Variants in P4HA1 observed in about 807,000 individuals in gnomAD.
The protein encoded by P4HA1 is prolyl 4-hydroxylase subunit alpha-1.
P4HA1 carries 24 observed loss-of-function variants against 72.8 expected under a neutral mutation model. The observed-to-expected ratio is 0.33, with a 90% confidence interval of 0.24 to 0.46. The LOEUF (loss-of-function observed/expected upper bound fraction) is 0.46, where lower values mean the gene tolerates loss of function less well. P4HA1 is among the 20% of genes least tolerant of loss of function. The pLI is 1.00. For missense variants in P4HA1, 446 were observed against 640.6 expected, an observed-to-expected ratio of 0.70 and a Z score of 3.28; for synonymous variants, 201 against 218.8, an observed-to-expected ratio of 0.92 and a Z score of 0.72.
chr10:73,044,006 T>G, intron 9 of P4HA1: 4 of 1,439,050 alleles, frequency 2.8e-6, no homozygotes, highest in Non-Finnish European at 3.9e-6. Flanking sequence ...GCAGGCAATT[T>G]TGGGCTTTTT....
intron 1 of P4HA1, among the ~76,000 whole-genome samples, chr10:73,077,286 C>T (rs1354154247): frequency 6.6e-6 from 1 of 152,230 alleles, no homozygotes; most frequent in Non-Finnish European, 1.5e-5. Flanking sequence ...AGGCTAATCA[C>T]AAATGTTGTC....
chr10:73,053,892 G>A (rs1841075037), intron 5 of P4HA1, among the ~76,000 whole-genome samples: 1 of 151,850 alleles, frequency 6.6e-6, no homozygotes. Context: ...CCTAACAGTA[G>A]GAATTACCAT....
chr10:73,072,426 T>C (rs2133132791), intron 3 of P4HA1, among the ~76,000 whole-genome samples: 1 of 152,316 alleles, frequency 6.6e-6, no homozygotes, highest in Admixed American at 6.5e-5. Context: ...AAATGGAACC[T>C]CCCTGTCTTA....
intron 9 of P4HA1, among the ~76,000 whole-genome samples, chr10:73,041,542 C>A (rs368093925): frequency 2.0e-5 from 3 of 146,554 alleles, no homozygotes; most frequent in Non-Finnish European, 4.5e-5. Context: ...GACTCCATCC[C>A]CCCCCCAAAA....
chr10:73,074,793 A>T lies in P4HA1; in HGVS notation c.76+15T>A. ...AATGCAAAACCAACAAAAAACAACA[A>T]GTAGTAAGACTTACCAATTGAAGTA... On this transcript the variant is annotated intron_variant, in intron 2 of 14. Coordinates refer to ENST00000394890, the MANE Select transcript of P4HA1 (RefSeq NM_001017962.3). 7.2e-7 allele frequency: 1 copy of T among 1,382,166 alleles called. No homozygotes were observed. The highest frequency in any genetic ancestry group is 1.0e-6 in the Non-Finnish European group (1 of 981,914). The allele number at this position is 1,382,166 out of a possible 1,614,324, so 85.6% of individuals were successfully genotyped here. A position where few individuals can be genotyped will look rare whatever the true frequency, so the allele number is the denominator to read the frequency against.
intron 1 of P4HA1, among the ~76,000 whole-genome samples, chr10:73,093,961 C>T (rs1379957848): frequency 8.5e-6 from 1 of 117,518 alleles, no homozygotes; most frequent in East Asian, 2.7e-4. Context: ...TATATATATT[C>T]ATATATTTAT....
At chr10:73,043,318 A>T (rs1298463486) in intron 9 of P4HA1, among the ~76,000 whole-genome samples, 2 of 152,208 alleles carry the variant, frequency 1.3e-5, no homozygotes, top group African/African-American at 2.4e-5. Flanking sequence ...ATGAGAGCCG[A>T]GAAACCTTCA....
chr10:73,019,025 A>AT (rs1840073567), intron 10 of P4HA1, among the ~76,000 whole-genome samples: 1 of 151,580 alleles, frequency 6.6e-6, no homozygotes, highest in Admixed American at 6.6e-5. Flanking sequence ...TGCTTGTAGG[A>AT]TATGTAAGAC....
chr10:73,045,200 G>T, intron 8 of P4HA1, 149 bp from the exon 9 acceptor site: 1 of 564,490 alleles, frequency 1.8e-6, no homozygotes, highest in South Asian at 2.9e-5. Context: ...GCTGAGCCTT[G>T]AAAGCCAGTT....
chr10:73,023,501 A>G (rs1219985175), intron 10 of P4HA1, among the ~76,000 whole-genome samples: 1 of 152,220 alleles, frequency 6.6e-6, no homozygotes, highest in Non-Finnish European at 1.5e-5. Context: ...AGGAAGCACT[A>G]AACATGGAAA....
intron 9 of P4HA1, among the ~76,000 whole-genome samples, chr10:73,040,677 T>C (rs976892157): frequency 6.6e-6 from 1 of 151,752 alleles, no homozygotes; most frequent in Non-Finnish European, 1.5e-5. Context: ...TTTTACCATG[T>C]TTGTGAGGAT....
intron 1 of P4HA1, among the ~76,000 whole-genome samples, chr10:73,078,614 T>TTTTC (rs1841755537): frequency 7.1e-6 from 1 of 140,406 alleles, no homozygotes; most frequent in African/African-American, 2.7e-5. Context: ...TTTTTTTTTT[T>TTTTC]TTTTTTTTTT....
intron 1 of P4HA1, among the ~76,000 whole-genome samples, chr10:73,089,886 G>C (rs995802107): frequency 2.6e-5 from 4 of 152,218 alleles, no homozygotes; most frequent in Non-Finnish European, 5.9e-5. Context: ...GCCCCGGCTA[G>C]AGTGCAGTAG....
chr10:73,081,643 T>C (rs796898404), intron 1 of P4HA1, among the ~76,000 whole-genome samples: 5 of 152,304 alleles, frequency 3.3e-5, no homozygotes, highest in African/African-American at 1.2e-4. Context: ...TTAAAAGTTC[T>C]ACCATATAGT....
At chr10:73,055,688 T>C (rs1841127519) in intron 5 of P4HA1, among the ~76,000 whole-genome samples, 1 of 152,216 alleles carries the variant, frequency 6.6e-6, no homozygotes, top group African/African-American at 2.4e-5. Context: ...AGGAGGTATT[T>C]GATAGTTCAC....
intron 4 of P4HA1, chr10:73,071,501 T>C (rs1841565271): frequency 6.6e-6 from 1 of 152,160 alleles, no homozygotes; most frequent in South Asian, 2.1e-4. Context: ...CCAGATTTAG[T>C]CTTCTACATC....
chr10:73,014,415 T>G (rs1479141253), intron 11 of P4HA1, 126 bp from the exon 12 acceptor site: 5 of 700,034 alleles, frequency 7.1e-6, no homozygotes, highest in Non-Finnish European at 7.6e-6. Flanking sequence ...AAGTTTCCCT[T>G]GTAATGTCCA....
intron 1 of P4HA1, among the ~76,000 whole-genome samples, chr10:73,086,620 A>G (rs1386256384): frequency 6.6e-6 from 1 of 152,124 alleles, no homozygotes; most frequent in East Asian, 1.9e-4. Flanking sequence ...TTACTCAATA[A>G]AACTGTTTTA....
At chr10:73,011,087 A>G in intron 12 of P4HA1, 50 bp from the exon 13 acceptor site, 1 of 1,362,374 alleles carries the variant, frequency 7.3e-7, no homozygotes, top group Non-Finnish European at 1.0e-6. Context: ...AATAAAGTAA[A>G]ACATGCCATT....
Sources: allele counts gnomAD v4.1 joint callset (sites outside exome capture counted in the v4.1 genomes callset), GRCh38; gene constraint gnomAD v4.1.1; transcripts MANE v1.5; gene names NCBI Gene and HGNC (gene_info 2026-07-23, HGNC 2026-07-21).